The following ADAM9 variants were observed in gnomAD, a reference collection of about 807,000 sequenced individuals.
The protein encoded by ADAM9 is disintegrin and metalloproteinase domain-containing protein 9.
ADAM9 carries 54 observed loss-of-function variants against 108.1 expected under a neutral mutation model. The observed-to-expected ratio is 0.50, with a 90% CI of 0.40 to 0.63. The LOEUF is 0.63. Ranked by LOEUF, ADAM9 falls within the 20% of genes least tolerant of loss-of-function variation. The pLI, the probability that ADAM9 is intolerant of heterozygous loss-of-function variation, is 0.00. For missense variants in ADAM9, 830 were observed against 997.7 expected (o/e 0.83, Z 2.26); for synonymous variants, 316 against 336.0 (o/e 0.94, Z 0.65).
At chr8:39,013,539 G>C (rs1293189109) in intron 3 of ADAM9, among the ~76,000 whole-genome samples, 2 of 127,998 alleles carry the variant, frequency 1.6e-5, no homozygotes, top group Admixed American at 8.6e-5. Flanking sequence ...GTCTTACTCT[G>C]TTATCCAGGG....
chr8:39,007,722 T>C (rs1836208868), intron 1 of ADAM9, among the ~76,000 whole-genome samples, 164 bp from the exon 2 acceptor site: 1 of 152,268 alleles, frequency 6.6e-6, no homozygotes, highest in Non-Finnish European at 1.5e-5. Context: ...GCTATTTTCA[T>C]GTATTAATAC....
chr8:39,042,844 G>A (rs1267997083), intron 12 of ADAM9, among the ~76,000 whole-genome samples: 1 of 152,086 alleles, frequency 6.6e-6, no homozygotes, highest in Non-Finnish European at 1.5e-5. Context: ...GTACTGTGTT[G>A]TACAGCACAT....
chr8:39,045,503 T>TAG (rs1491342677), intron 12 of ADAM9, among the ~76,000 whole-genome samples: 1 of 32,606 alleles, frequency 3.1e-5, no homozygotes, highest in African/African-American at 9.7e-5. Context: ...TGTATACATA[T>TAG]GTGTGTGTAC....
chr8:39,004,518 A>C (rs895054495), intron 1 of ADAM9, among the ~76,000 whole-genome samples: 10 of 152,202 alleles, frequency 6.6e-5, no homozygotes, highest in African/African-American at 2.4e-4. Flanking sequence ...CCTGGCCAGC[A>C]TATGTAATCT....
At chr8:39,078,405 A>C (rs1838917651) in intron 16 of ADAM9, among the ~76,000 whole-genome samples, 1 of 151,386 alleles carries the variant, frequency 6.6e-6, no homozygotes, top group African/African-American at 2.5e-5. Context: ...CATGACAAAA[A>C]CAACTCTCTG....
At chr8:39,029,970 A>G (rs1837047809) in intron 11 of ADAM9, among the ~76,000 whole-genome samples, 1 of 152,154 alleles carries the variant, frequency 6.6e-6, no homozygotes, top group African/African-American at 2.4e-5. Context: ...TTAGGTTCAC[A>G]GAATAATCAA....
intron 20 of ADAM9, among the ~76,000 whole-genome samples, chr8:39,097,546 TCCGC>T (rs1839548764): frequency 6.6e-6 from 1 of 152,138 alleles, no homozygotes; most frequent in Admixed American, 6.5e-5. Context: ...GACCTCGTGA[TCCGC>T]CCGCCCTGGC....
At chr8:39,100,793 G>C (rs956611213) in intron 20 of ADAM9, among the ~76,000 whole-genome samples, 2 of 152,208 alleles carry the variant, frequency 1.3e-5, no homozygotes, top group Non-Finnish European at 2.9e-5. Context: ...ACAGTAGATA[G>C]TAAAGAACAT....
chr8:39,065,764 A>T (rs926545253), intron 14 of ADAM9, among the ~76,000 whole-genome samples: 3 of 149,062 alleles, frequency 2.0e-5, no homozygotes, highest in Admixed American at 2.0e-4. Flanking sequence ...TCTTTTTTTT[A>T]AATATATTTT....
At chr8:39,025,961 C>A in intron 10 of ADAM9, 77 bp downstream of exon 10, 4 of 1,400,012 alleles carry the variant, frequency 2.9e-6, no homozygotes, top group Non-Finnish European at 4.0e-6. Context: ...TATACTTCCT[C>A]CCCTGGTCCT....
At chr8:39,090,666 G>A (rs1467033492) in intron 19 of ADAM9, among the ~76,000 whole-genome samples, 3 of 152,194 alleles carry the variant, frequency 2.0e-5, no homozygotes, top group African/African-American at 7.2e-5. Context: ...TGCTGAAAGT[G>A]ACCCTCAGGG....
chr8:39,054,647 GT>G, intron 13 of ADAM9, 74 bp downstream of exon 13: 1 of 1,306,122 alleles, frequency 7.7e-7, no homozygotes, highest in Admixed American at 2.3e-5. Context: ...ATCAAAATTT[GT>G]TTTTTGAGAT....
At chr8:39,039,759 A>G (rs969588951) in intron 11 of ADAM9, among the ~76,000 whole-genome samples, 2 of 152,216 alleles carry the variant, frequency 1.3e-5, no homozygotes, top group Admixed American at 6.5e-5. Flanking sequence ...CCAGTCTTAT[A>G]TGTGCCACAG....
rs1564297705 is a variant in ADAM9, at chr8:39,045,118, GTGTGTGTGCATACATACATATA to G, written c.1302+3007_1302+3028del. ...TATGTGTGTGTGCATACATACATAT[GTGTGTGTGCATACATACATATA>G]TGTGTATATATGTGTATACATACAT... is the stretch of plus-strand genomic sequence containing the variant. On this transcript the variant is annotated intron_variant, in intron 12 of 21. Coordinates refer to ENST00000487273, the MANE Select transcript of ADAM9 (RefSeq NM_003816.3). Among the ~76,000 whole-genome samples, 49 of 72,008 alleles carry G rather than the reference GTGTGTGTGCATACATACATATA, an allele frequency of 6.8e-4. 2 individuals carry two copies. The highest frequency in any genetic ancestry group is 1.7e-3 in the South Asian group (4 of 2,364). The allele number at this position is 72,008 out of a possible 152,430, so 47.2% of individuals were successfully genotyped here.
chr8:39,018,155 G>A (rs1265690348), intron 6 of ADAM9, among the ~76,000 whole-genome samples: 1 of 152,182 alleles, frequency 6.6e-6, no homozygotes, highest in Non-Finnish European at 1.5e-5. Context: ...CAGCTGCAGG[G>A]ATTGTACCTT....
At position 39,065,908 on chromosome 8, in the gene ADAM9, C is replaced by G. The variant is rs182320623; in HGVS notation, c.1592-5390C>G. 2.6e-5 allele frequency among the ~76,000 whole-genome samples: 4 copies of G among 152,266 alleles called. No homozygotes were observed. In the East Asian group the frequency reaches 5.8e-4, roughly 22 times the overall value. ...TAATGCTATCCCTTCCCACTCCCCC[C>G]ACCCCATGACAGGCCCCGGTGTGTG... is the stretch of plus-strand genomic sequence containing the variant. On this transcript the variant is annotated intron_variant, in intron 14 of 21. Coordinates refer to ENST00000487273, the MANE Select transcript of ADAM9 (RefSeq NM_003816.3).
intron 15 of ADAM9, among the ~76,000 whole-genome samples, chr8:39,072,651 G>A (rs1334773800): frequency 6.6e-6 from 1 of 152,184 alleles, no homozygotes; most frequent in Non-Finnish European, 1.5e-5. Context: ...TGTTCCCTCT[G>A]TTCAGCATGC....
At position 39,075,686 on chromosome 8, in the gene ADAM9, G is replaced by A. The variant is rs73602781; in HGVS notation, c.1698-1542G>A. ...AGAGTATTTTCCTTTACTTTTTAAT[G>A]TATCACCAAGCCTATGTATGAAATA... On this transcript the variant is annotated intron_variant, in intron 15 of 21. Coordinates refer to ENST00000487273, the MANE Select transcript of ADAM9 (RefSeq NM_003816.3). 4.7e-3 allele frequency among the ~76,000 whole-genome samples: 716 copies of A among 152,196 alleles called. 5 individuals are homozygous for A. The highest frequency in any genetic ancestry group is 0.016 in the African/African-American group (681 of 41,524).
chr8:39,045,587 T>TATAA (rs1230398174), intron 12 of ADAM9, among the ~76,000 whole-genome samples: 5 of 148,828 alleles, frequency 3.4e-5, no homozygotes, highest in African/African-American at 1.2e-4. Context: ...TATATATATA[T>TATAA]AAAAGATTTT....
Sources: allele counts gnomAD v4.1 joint callset (sites outside exome capture counted in the v4.1 genomes callset), GRCh38; gene constraint gnomAD v4.1.1; transcripts MANE v1.5; gene names NCBI Gene and HGNC (gene_info 2026-07-23, HGNC 2026-07-21).